The following VPS53 variants were observed in gnomAD, a reference collection of about 807,000 sequenced individuals.
The protein encoded by VPS53 is vacuolar protein sorting-associated protein 53 homolog.
In VPS53, 70 loss-of-function variants were observed where a neutral mutation model predicts 107.0. That is an observed-to-expected ratio of 0.65 (90% CI 0.54 to 0.80). The LOEUF (loss-of-function observed/expected upper bound fraction) is 0.80, where lower values mean the gene tolerates loss of function less well. Among genes scored for constraint, VPS53 ranks in the 30% least tolerant of loss-of-function variants. The probability of loss-of-function intolerance (pLI) is 0.00; values close to 1 mark genes in which losing one functional copy is unlikely to be tolerated. For synonymous variants in VPS53, 409 were observed against 393.3 expected (o/e 1.04, Z -0.47); for missense variants, 917 against 1,049.4 (o/e 0.87, Z 1.74).
intron 2 of VPS53, among the ~76,000 whole-genome samples, chr17:707,774 T>C (rs1317320605): frequency 6.7e-6 from 1 of 150,028 alleles, no homozygotes; most frequent in Non-Finnish European, 1.5e-5. Flanking sequence ...AGCGCTAGAG[T>C]TCGGGAGTTC....
At chr17:664,324 C>T (rs924939594) in intron 4 of VPS53, among the ~76,000 whole-genome samples, 26 of 152,172 alleles carry the variant, frequency 1.7e-4, no homozygotes, top group Admixed American at 1.2e-3. Flanking sequence ...GTGATCTGCC[C>T]GCCTCGGCCT....
At chr17:581,125 C>T (rs1000559168) in intron 13 of VPS53, among the ~76,000 whole-genome samples, 2 of 151,940 alleles carry the variant, frequency 1.3e-5, no homozygotes, top group East Asian at 1.9e-4. Flanking sequence ...TCCCTCAGGA[C>T]CTAATGCGTT....
chr17:560,920 T>C (rs1211835232), intron 14 of VPS53, among the ~76,000 whole-genome samples: 1 of 152,220 alleles, frequency 6.6e-6, no homozygotes, highest in Non-Finnish European at 1.5e-5. Flanking sequence ...GAAAGATGGT[T>C]ACCTACCCTG....
chr17:564,810 T>C (rs185956240), intron 13 of VPS53, among the ~76,000 whole-genome samples: 21 of 152,324 alleles, frequency 1.4e-4, no homozygotes, highest in African/African-American at 5.1e-4. Context: ...TTTCTCCGAT[T>C]TCCCATTCAA....
At chr17:656,760 G>A (rs541190733) in intron 5 of VPS53, 30 of 922,390 alleles carry the variant, frequency 3.3e-5, no homozygotes, top group East Asian at 2.8e-4. Context: ...TTTTAATTAC[G>A]TACAAAGATC....
rs1973110443 is a variant in VPS53 at position 699,350 on chromosome 17, T to C, written c.199A>G (p.Lys67Glu). ...ACTCACCTTATTTTCAGCCTAATTT[T>C]GTTCACGACTTCGTCTATGTTCGCC... ...SLANIDEVVN[K>E]IRLKIRRLDD... Residue 67 changes from lysine to glutamate, a missense_variant, in exon 3 of 22, where the codon AAA (lysine) becomes GAA (glutamate). Physicochemically the swap from Lys to Glu is moderately conservative, Grantham distance 56. Coordinates refer to ENST00000437048, the MANE Select transcript of VPS53 (RefSeq NM_001128159.3). The C allele has an allele frequency of 3.8e-6, 6 of 1,577,344 alleles. No homozygotes were observed. In the Admixed American group the frequency reaches 5.7e-5, roughly 15 times the overall value.
At position 539,641 on chromosome 17, in the gene VPS53, G is replaced by C. The variant is rs1268297173; in HGVS notation, c.1867-2465C>G. 5.9e-5 allele frequency among the ~76,000 whole-genome samples: 9 copies of C among 152,220 alleles called. No individual in the cohort carries two copies. In the East Asian group the frequency reaches 1.7e-3, roughly 29 times the overall value. ...TGGAGCCCAGAAGGTTGGGGCTGCA[G>C]GGAGCTGTGATTGTACCACTGCACT... On this transcript the variant is annotated intron_variant, in intron 17 of 21. Transcript: ENST00000437048.
At chr17:634,565 G>A (rs1597410278) in intron 7 of VPS53, among the ~76,000 whole-genome samples, 1 of 114,644 alleles carries the variant, frequency 8.7e-6, no homozygotes, top group East Asian at 2.6e-4. Flanking sequence ...CCCACAACAG[G>A]CCCCGGTGTG....
chr17:572,174 G>A (rs1914173675), intron 13 of VPS53, among the ~76,000 whole-genome samples: 3 of 150,870 alleles, frequency 2.0e-5, no homozygotes, highest in Admixed American at 2.0e-4. Flanking sequence ...TCTGAGATGT[G>A]GGGAGCGCCT....
chr17:526,303 T>A (rs1383916484), intron 19 of VPS53, among the ~76,000 whole-genome samples: 1 of 152,198 alleles, frequency 6.6e-6, no homozygotes, highest in African/African-American at 2.4e-5. Flanking sequence ...ATACATTATA[T>A]GCATAAATAA....
chr17:593,572 T>G (rs1194690558), intron 12 of VPS53, among the ~76,000 whole-genome samples: 1 of 152,312 alleles, frequency 6.6e-6, no homozygotes, highest in African/African-American at 2.4e-5. Flanking sequence ...TCACCATCAC[T>G]GGCCATCAGA....
At position 511,287 on chromosome 17, in the gene VPS53, C is replaced by G. The variant is rs532319133; in HGVS notation, c.*7841G>C. 6.6e-6 allele frequency: 1 copy of G among 150,766 alleles called. No homozygotes were observed. The highest frequency in any genetic ancestry group is 6.6e-5 in the Admixed American group (1 of 15,238). The allele number at this position is 150,766 out of a possible 1,614,324, so 9.3% of individuals were successfully genotyped here. A position where few individuals can be genotyped will look rare whatever the true frequency, so the allele number is the denominator to read the frequency against. On this transcript the variant is annotated 3_prime_UTR_variant, in exon 22 of 22. Coordinates refer to ENST00000437048, the MANE Select transcript of VPS53 (RefSeq NM_001128159.3). ...TTTCTTGCCACCATTTCACCTGAGACCCCTGAAAGCTGCAGCCCACACTGC... is the reference window on the plus strand; with the variant it reads ...TTTCTTGCCACCATTTCACCTGAGAGCCCTGAAAGCTGCAGCCCACACTGC...
chr17:644,403 C>A (rs73975791), intron 7 of VPS53, among the ~76,000 whole-genome samples: 5,490 of 152,280 alleles, frequency 0.036, 136 homozygotes, highest in East Asian at 0.069. Flanking sequence ...AGCTATTTCT[C>A]TCATTTCCAG....
intron 14 of VPS53, among the ~76,000 whole-genome samples, chr17:560,846 G>A (rs1912884375): frequency 6.6e-6 from 1 of 152,212 alleles, no homozygotes; most frequent in South Asian, 2.1e-4. Context: ...AGGCTGCTGA[G>A]CTGTCCTCTC....
intron 12 of VPS53, among the ~76,000 whole-genome samples, chr17:586,934 A>C (rs779531393): frequency 6.6e-6 from 1 of 152,192 alleles, no homozygotes; most frequent in African/African-American, 2.4e-5. Flanking sequence ...TGGTTCCCAG[A>C]ATTTTTTGAA....
chr17:518,941 A>T lies in VPS53; in HGVS notation c.*187T>A. ...ATCGCCCTCTTAGAGCCCAGCCCTT[A>T]CTCAGCGTCTCCGATTAGGGCAGGA... On this transcript the variant is annotated 3_prime_UTR_variant, in exon 22 of 22. Transcript: ENST00000437048. 1 of 603,026 alleles carries T rather than the reference A, an allele frequency of 1.7e-6. No homozygotes were observed. Among genetic ancestry groups the T allele is most frequent in the Non-Finnish European group, 2.7e-6 (1 of 373,856 alleles). The allele number at this position is 603,026 out of a possible 1,614,324, so 37.4% of individuals were successfully genotyped here. A position where few individuals can be genotyped will look rare whatever the true frequency, so the allele number is the denominator to read the frequency against.
At chr17:629,523 C>T (rs946344393) in intron 8 of VPS53, among the ~76,000 whole-genome samples, 1 of 151,956 alleles carries the variant, frequency 6.6e-6, no homozygotes, top group Non-Finnish European at 1.5e-5. Context: ...TTTGGGAGGC[C>T]AAGGCAGGCA....
At chr17:525,867 C>T (rs557816305) in intron 19 of VPS53, among the ~76,000 whole-genome samples, 2 of 151,778 alleles carry the variant, frequency 1.3e-5, no homozygotes, top group South Asian at 4.2e-4. Flanking sequence ...TATGGTGGTG[C>T]ACACCTGTAA....
chr17:527,407 C>T (rs1280798131), intron 19 of VPS53, among the ~76,000 whole-genome samples: 2 of 152,110 alleles, frequency 1.3e-5, no homozygotes, highest in Admixed American at 1.3e-4. Flanking sequence ...AACATTCGTG[C>T]GCATGCCTTT....
Sources: allele counts gnomAD v4.1 joint callset (sites outside exome capture counted in the v4.1 genomes callset), GRCh38; gene constraint gnomAD v4.1.1; transcripts MANE v1.5; gene names NCBI Gene and HGNC (gene_info 2026-07-23, HGNC 2026-07-21).